Variants in BRINP3 observed in about 807,000 individuals in gnomAD.
The protein encoded by BRINP3 is BMP/retinoic acid-inducible neural-specific protein 3.
BRINP3 carries 19 observed loss-of-function variants against 71.0 expected under a neutral mutation model. The observed-to-expected ratio is 0.27, with a 90% CI of 0.19 to 0.39. The LOEUF (loss-of-function observed/expected upper bound fraction) is 0.39, where lower values mean the gene tolerates loss of function less well. Ranked by LOEUF, BRINP3 falls within the 10% of genes least tolerant of loss-of-function variation. BRINP3 has a pLI of 1.00. For synonymous variants in BRINP3, 380 were observed against 337.7 expected (o/e 1.13, Z -1.37); for missense variants, 959 against 940.8 (o/e 1.02, Z -0.25).
chr1:190,258,195 G>A (rs1365368611), intron 4 of BRINP3, among the ~76,000 whole-genome samples: 1 of 152,164 alleles, frequency 6.6e-6, no homozygotes. Context: ...AGCAATGACG[G>A]ACGCCCCTCC....
intron 7 of BRINP3, among the ~76,000 whole-genome samples, chr1:190,100,418 T>C (rs988029923): frequency 6.6e-6 from 1 of 152,214 alleles, no homozygotes; most frequent in African/African-American, 2.4e-5. Flanking sequence ...TGCCAAAATC[T>C]TGTATGTTTT....
intron 6 of BRINP3, among the ~76,000 whole-genome samples, chr1:190,212,166 A>G (rs1040902731): frequency 6.6e-6 from 1 of 152,120 alleles, no homozygotes; most frequent in South Asian, 2.1e-4. Flanking sequence ...TTATAAATAC[A>G]AGCATGATTG....
chr1:190,424,948 A>G (rs944070733), intron 2 of BRINP3, among the ~76,000 whole-genome samples: 1 of 151,664 alleles, frequency 6.6e-6, no homozygotes, highest in African/African-American at 2.4e-5. Context: ...AGTCAGAGAA[A>G]GAAAACAGGA....
At chr1:190,099,707 A>T (rs1461178098) in intron 7 of BRINP3, among the ~76,000 whole-genome samples, 1 of 152,202 alleles carries the variant, frequency 6.6e-6, no homozygotes, top group Non-Finnish European at 1.5e-5. Flanking sequence ...TGTCATCAAC[A>T]TTGAAAGAAC....
chr1:190,172,711 G>A (rs767398328), intron 6 of BRINP3, among the ~76,000 whole-genome samples: 12 of 152,118 alleles, frequency 7.9e-5, no homozygotes, highest in African/African-American at 2.2e-4. Flanking sequence ...CATGTGGGAC[G>A]TGGAAGGCTG....
At chr1:190,461,132 C>A (rs1676370663) in intron 1 of BRINP3, among the ~76,000 whole-genome samples, 1 of 152,164 alleles carries the variant, frequency 6.6e-6, no homozygotes, top group Non-Finnish European at 1.5e-5. Flanking sequence ...GATATCTGAT[C>A]TCTTTAAAAT....
At chr1:190,316,835 T>C (rs1334273937) in intron 2 of BRINP3, among the ~76,000 whole-genome samples, 1 of 152,142 alleles carries the variant, frequency 6.6e-6, no homozygotes, top group African/African-American at 2.4e-5. Flanking sequence ...AAAAAGAGTA[T>C]GAAGGACTTC....
chr1:190,170,564 G>A (rs1278880707), intron 6 of BRINP3, among the ~76,000 whole-genome samples: 3 of 151,666 alleles, frequency 2.0e-5, no homozygotes, highest in Non-Finnish European at 2.9e-5. Context: ...GACTCAAGTG[G>A]GTAAAAAACA....
chr1:190,160,835 A>C lies in BRINP3; in HGVS notation c.1017T>G (p.Ser339=). 1 of 1,613,370 alleles carries C rather than the reference A, an allele frequency of 6.2e-7. No individual in the cohort carries two copies. Among genetic ancestry groups the C allele is most frequent in the South Asian group, 1.1e-5 (1 of 91,028 alleles). ...RLPMNYFLNT[S]TIMHLWTMDS... ...CCATTGTCCACAAATGCATTATAGTAGATGTGTTGAGGAAATAATTCATAG... is the reference window on the plus strand; with the variant it reads ...CCATTGTCCACAAATGCATTATAGTCGATGTGTTGAGGAAATAATTCATAG... The change falls in exon 7 of 8, where the codon TCT becomes TCG. Residue 339 remains serine (S), a synonymous_variant. Transcript: ENST00000367462.
intron 4 of BRINP3, among the ~76,000 whole-genome samples, chr1:190,257,493 A>G (rs1320712217): frequency 2.6e-5 from 4 of 151,806 alleles, no homozygotes; most frequent in African/African-American, 7.2e-5. Flanking sequence ...CTTCAGAGTT[A>G]TTCTCCATCT....
intron 2 of BRINP3, among the ~76,000 whole-genome samples, chr1:190,306,185 G>A (rs1665084999): frequency 6.6e-6 from 1 of 151,218 alleles, no homozygotes; most frequent in African/African-American, 2.4e-5. Flanking sequence ...ATGAGATAAA[G>A]ATATCTGCCC....
chr1:190,117,880 T>C (rs573764516), intron 7 of BRINP3, among the ~76,000 whole-genome samples: 24 of 151,998 alleles, frequency 1.6e-4, no homozygotes, highest in African/African-American at 5.5e-4. Context: ...CCTCATGCCA[T>C]TGACTTTTTG....
intron 2 of BRINP3, among the ~76,000 whole-genome samples, chr1:190,342,094 T>G (rs760718412): frequency 2.1e-4 from 32 of 151,416 alleles, no homozygotes; most frequent in Non-Finnish European, 4.3e-4. Context: ...TCAGCAGGGT[T>G]GCGATGGGTC....
chr1:190,421,311 T>TTATTAA (rs1485558643), intron 2 of BRINP3, among the ~76,000 whole-genome samples: 1 of 113,532 alleles, frequency 8.8e-6, no homozygotes, highest in Non-Finnish European at 2.1e-5. Flanking sequence ...ATTATTATTA[T>TTATTAA]TATTATTATT....
Position 190,455,141 on chromosome 1 carries a change from A to G in BRINP3, c.-50-201T>C, listed in dbSNP as rs1047733628. ...CTTTGTTCCTTTTTTATATTAATGG[A>G]AAATAAGACATTGAGTCATAACAGA... On this transcript the variant is annotated intron_variant, in intron 1 of 7. Coordinates refer to ENST00000367462, the MANE Select transcript of BRINP3 (RefSeq NM_199051.3). 2.0e-5 allele frequency among the ~76,000 whole-genome samples: 3 copies of G among 152,170 alleles called. No homozygotes were observed. In the South Asian group the frequency reaches 6.2e-4, roughly 31 times the overall value.
In BRINP3 at chr1:190,409,459, T is replaced by A. The variant is rs888345200; in HGVS notation, c.236+45196A>T. 8.5e-5 allele frequency among the ~76,000 whole-genome samples: 13 copies of A among 152,158 alleles called. 1 individual carries two copies. ...TCCTTCAAAATCACAGTCTAATATT[T>A]TCCCTTCTTTTTTCTGGACCTTGTA... is the stretch of plus-strand genomic sequence containing the variant. On this transcript the variant is annotated intron_variant, in intron 2 of 7. Transcript: ENST00000367462.
intron 1 of BRINP3, among the ~76,000 whole-genome samples, chr1:190,455,931 T>C (rs1325671482): frequency 2.0e-5 from 3 of 152,180 alleles, no homozygotes; most frequent in African/African-American, 7.2e-5. Context: ...AATATTTGAA[T>C]TCAATTTTTC....
chr1:190,354,447 T>C (rs2102068064), intron 2 of BRINP3, among the ~76,000 whole-genome samples: 1 of 152,072 alleles, frequency 6.6e-6, no homozygotes, highest in Middle Eastern at 3.4e-3. Flanking sequence ...GCTGGAATTT[T>C]TAGCAACTAG....
At chr1:190,191,203 A>T (rs1654002526) in intron 6 of BRINP3, among the ~76,000 whole-genome samples, 1 of 152,156 alleles carries the variant, frequency 6.6e-6, no homozygotes, top group Non-Finnish European at 1.5e-5. Context: ...ACATATTAAC[A>T]TTACCTGGAG....
Sources: gnomAD v4.1 joint callset for allele counts (sites outside exome capture counted in the v4.1 genomes callset) on GRCh38, gnomAD v4.1.1 for gene constraint, MANE v1.5 for transcripts, NCBI Gene and HGNC (gene_info 2026-07-23, HGNC 2026-07-21) for gene names.